Variants in TRAK1 observed in about 807,000 individuals in gnomAD.
TRAK1 encodes trafficking kinesin protein 1.
TRAK1 carries 33 observed loss-of-function variants against 92.1 expected under a neutral mutation model. The observed-to-expected ratio is 0.36, with a 90% CI of 0.27 to 0.48. TRAK1 has a LOEUF of 0.48. Among genes scored for constraint, TRAK1 ranks in the 20% least tolerant of loss-of-function variants. The pLI is 0.99. For missense variants in TRAK1, 1,123 were observed against 1,257.9 expected, an observed-to-expected ratio of 0.89 and a Z score of 1.62; for synonymous variants, 521 against 517.3, an observed-to-expected ratio of 1.01 and a Z score of -0.10.
intron 13 of TRAK1, among the ~76,000 whole-genome samples, chr3:42,208,748 C>T (rs1251621183): frequency 6.6e-6 from 1 of 152,180 alleles, no homozygotes; most frequent in Non-Finnish European, 1.5e-5. Context: ...TATTTGGGTG[C>T]CTTCTTAATC....
intron 2 of TRAK1, among the ~76,000 whole-genome samples, chr3:42,127,524 T>G (rs1399343756): frequency 1.3e-5 from 2 of 152,038 alleles, no homozygotes; most frequent in Non-Finnish European, 2.9e-5. Context: ...CACGCTCAGC[T>G]AATTTTTAAT....
chr3:42,122,834 G>A lies in TRAK1; in HGVS notation c.92-2586G>A, dbSNP rs1026189380. Among the ~76,000 whole-genome samples, 5 of 152,180 alleles carry A rather than the reference G, an allele frequency of 3.3e-5. No homozygotes were observed. The East Asian group carries it at 5.8e-4, about 18-fold the overall frequency. On this transcript the variant is annotated intron_variant, in intron 1 of 15. Coordinates refer to ENST00000327628, the MANE Select transcript of TRAK1 (RefSeq NM_001042646.3). ...TCCCAGCAGAGCTTTGCAAAGTGAC[G>A]GAGCAGGTCTGGTCTTGTTTTTGGC...
At chr3:42,080,758 CTCAT>C (rs1704392512) in intron 1 of TRAK1, among the ~76,000 whole-genome samples, 1 of 152,236 alleles carries the variant, frequency 6.6e-6, no homozygotes, top group Non-Finnish European at 1.5e-5. Flanking sequence ...CATGCTGTGA[CTCAT>C]TCTTCAAGCT....
rs952605072 is a variant in TRAK1 at position 42,219,799 on chromosome 3, T to TG, written c.2066+203_2066+204insG. ...TTGTTGTTATGTGTTTTTTTTTTTT[T>TG]TTTTTTTTTTTTTTGAGGCAGAGTT... On this transcript the variant is annotated intron_variant, in intron 15 of 15. Coordinates refer to ENST00000327628, the MANE Select transcript of TRAK1 (RefSeq NM_001042646.3). Among the ~76,000 whole-genome samples the TG allele has an allele frequency of 8.0e-4, 114 of 142,630 alleles. 1 individual carries two copies. Among genetic ancestry groups the TG allele is most frequent in the African/African-American group, 2.2e-3 (84 of 38,716 alleles). 93.6% of individuals were successfully genotyped at this position (142,630 alleles called of 152,430 possible).
At chr3:42,131,755 T>A (rs9311296) in intron 2 of TRAK1, among the ~76,000 whole-genome samples, 75,519 of 147,896 alleles carry the variant, frequency 0.51, 19,193 homozygotes, top group African/African-American at 0.57. Context: ...AAATAAAATT[T>A]AAAAAAAAAA....
At chr3:42,163,729 T>C (rs139130587) in intron 2 of TRAK1, among the ~76,000 whole-genome samples, 4 of 152,290 alleles carry the variant, frequency 2.6e-5, no homozygotes, top group Non-Finnish European at 5.9e-5. Flanking sequence ...GATAACAGTG[T>C]ATCTGCCTTA....
At chr3:42,141,667 C>G (rs1698666255) in intron 2 of TRAK1, among the ~76,000 whole-genome samples, 1 of 152,138 alleles carries the variant, frequency 6.6e-6, no homozygotes, top group South Asian at 2.1e-4. Flanking sequence ...CTGGTGGCTG[C>G]CGGCCATCCT....
At chr3:42,030,134 G>A (rs1394517508) in intron 1 of TRAK1, among the ~76,000 whole-genome samples, 1 of 152,030 alleles carries the variant, frequency 6.6e-6, no homozygotes, top group Non-Finnish European at 1.5e-5. Context: ...TAAAATCCTG[G>A]GCTTAAAAAT....
Position 42,225,458 on chromosome 3 carries a change from A to G in TRAK1, c.*1721A>G, listed in dbSNP as rs1384886774. The stretch of plus-strand genomic sequence containing the variant: ...TGTTCTCAGCTCTCCCTGCTGTTGT[A>G]TGTGTGCATTCACTGCAAGTAACTT... On this transcript the variant is annotated 3_prime_UTR_variant, in exon 16 of 16. Coordinates refer to ENST00000327628, the MANE Select transcript of TRAK1 (RefSeq NM_001042646.3). The G allele has an allele frequency of 6.6e-6, 1 of 152,194 alleles. No homozygotes were observed. Among genetic ancestry groups the G allele is most frequent in the African/African-American group, 2.4e-5 (1 of 41,450 alleles). The allele number at this position is 152,194 out of a possible 1,614,324, so 9.4% of individuals were successfully genotyped here.
intron 1 of TRAK1, among the ~76,000 whole-genome samples, chr3:42,074,593 A>G (rs890719384): frequency 2.0e-5 from 3 of 152,180 alleles, no homozygotes; most frequent in East Asian, 1.9e-4. Context: ...TGTTCCTCAG[A>G]TAGAAACAAA....
chr3:42,120,726 T>G (rs1347598894), intron 1 of TRAK1, among the ~76,000 whole-genome samples: 1 of 152,154 alleles, frequency 6.6e-6, no homozygotes, highest in African/African-American at 2.4e-5. Context: ...TTTTGTATTT[T>G]TAGTACAGAC....
chr3:42,160,076 C>T lies in TRAK1; in HGVS notation c.287-16738C>T, dbSNP rs552774158. The stretch of plus-strand genomic sequence containing the variant: ...GCAGGGCTTTCCTCTGAATCTCCTG[C>T]GCCTAGCAGGGCATTCCCACCCCGC... On this transcript the variant is annotated intron_variant, in intron 2 of 15. Coordinates refer to ENST00000327628, the MANE Select transcript of TRAK1 (RefSeq NM_001042646.3). 8 of 885,934 alleles carry T rather than the reference C, an allele frequency of 9.0e-6. No individual in the cohort carries two copies. In the South Asian group the frequency reaches 1.1e-4, roughly 12 times the overall value. 54.9% of individuals were successfully genotyped at this position (885,934 alleles called of 1,614,324 possible).
At chr3:42,055,259 A>C (rs1229933881) in intron 1 of TRAK1, among the ~76,000 whole-genome samples, 1 of 152,094 alleles carries the variant, frequency 6.6e-6, no homozygotes, top group Non-Finnish European at 1.5e-5. Flanking sequence ...AACCACCCCA[A>C]GGATACAAAA....
intron 1 of TRAK1, among the ~76,000 whole-genome samples, chr3:42,043,551 CTT>C (rs1702633425): frequency 6.7e-6 from 1 of 149,368 alleles, no homozygotes; most frequent in Non-Finnish European, 1.5e-5. Context: ...TGGATGTTGT[CTT>C]TGGCTTTTCG....
chr3:42,135,966 G>A (rs1314486458), intron 2 of TRAK1, among the ~76,000 whole-genome samples: 1 of 152,148 alleles, frequency 6.6e-6, no homozygotes, highest in East Asian at 1.9e-4. Context: ...ATAGAAACTC[G>A]GGGTGGACAT....
At chr3:42,221,797 T>TC in intron 15 of TRAK1, 1 of 152,276 alleles carries the variant, frequency 6.6e-6, no homozygotes, top group Non-Finnish European at 1.5e-5. Flanking sequence ...CTGTTTGGCC[T>TC]CCCCTGGATC....
chr3:42,044,973 G>T (rs1036766745), intron 1 of TRAK1, among the ~76,000 whole-genome samples: 2 of 151,264 alleles, frequency 1.3e-5, no homozygotes, highest in Admixed American at 1.3e-4. Context: ...TTAAAGATTT[G>T]TTTTTTTTCC....
chr3:42,077,275 A>G (rs1328210231), intron 1 of TRAK1, among the ~76,000 whole-genome samples: 1 of 152,198 alleles, frequency 6.6e-6, no homozygotes, highest in Non-Finnish European at 1.5e-5. Context: ...ATCCATGAGC[A>G]TGGAAAGTGT....
chr3:42,024,106 T>C lies in TRAK1; in HGVS notation c.-519+9989T>C, dbSNP rs367867170. On this transcript the variant is annotated intron_variant, in intron 1 of 16. Transcript: ENST00000487159. ...TTTAGGGCAGTGGGACGTCTGGGCC[T>C]GACACTTCGAAGAGGGATAGGAGTT... Among the ~76,000 whole-genome samples, 94 of 152,142 alleles carry C rather than the reference T, an allele frequency of 6.2e-4. No homozygotes were observed. In the Middle Eastern group the frequency reaches 0.02, roughly 33 times the overall value.
Sources: allele counts gnomAD v4.1 joint callset (sites outside exome capture counted in the v4.1 genomes callset), GRCh38; gene constraint gnomAD v4.1.1; transcripts MANE v1.5; gene names NCBI Gene and HGNC (gene_info 2026-07-23, HGNC 2026-07-21).